Variants in CUL4A observed in about 807,000 individuals in gnomAD.
The protein encoded by CUL4A is cullin-4A.
In CUL4A, 16 loss-of-function variants were observed where a neutral mutation model predicts 95.5. The ratio of observed to expected loss-of-function variants is 0.17; its 90% CI spans 0.11 to 0.25. The LOEUF (loss-of-function observed/expected upper bound fraction) is 0.25, where lower values mean the gene tolerates loss of function less well. Among genes scored for constraint, CUL4A ranks in the 10% least tolerant of loss-of-function variants. The pLI is 1.00. For synonymous variants in CUL4A, 380 were observed against 353.1 expected (o/e 1.08, Z -0.85); for missense variants, 610 against 937.0 (o/e 0.65, Z 4.56).
At chr13:113,244,610 G>A in intron 12 of CUL4A, 96 bp downstream of exon 12, 1 of 828,824 alleles carries the variant, frequency 1.2e-6, no homozygotes, top group East Asian at 2.7e-5. Context: ...GTCAGTATCA[G>A]TAGAGCCAGT....
At chr13:113,224,061 A>C (rs1005205787) in intron 3 of CUL4A, among the ~76,000 whole-genome samples, 5 of 152,190 alleles carry the variant, frequency 3.3e-5, no homozygotes, top group Non-Finnish European at 7.3e-5. Flanking sequence ...CTCTTCAAAA[A>C]TGTCAAGCCC....
chr13:113,248,962 G>A (rs1468360818), intron 15 of CUL4A, among the ~76,000 whole-genome samples: 2 of 152,116 alleles, frequency 1.3e-5, no homozygotes, highest in Non-Finnish European at 2.9e-5. Flanking sequence ...GGAACCCATG[G>A]ACACAGAAGG....
intron 15 of CUL4A, among the ~76,000 whole-genome samples, chr13:113,247,564 A>C (rs2041888509): frequency 6.6e-6 from 1 of 152,156 alleles, no homozygotes; most frequent in Admixed American, 6.5e-5. Flanking sequence ...GAGGGGTTTG[A>C]GTTTTCTCTG....
chr13:113,228,217 G>A (rs1165809410), intron 4 of CUL4A, among the ~76,000 whole-genome samples, 172 bp downstream of exon 4: 1 of 152,196 alleles, frequency 6.6e-6, no homozygotes, highest in African/African-American at 2.4e-5. Flanking sequence ...TCCTGTGAGA[G>A]GGCACCACTG....
In CUL4A at chr13:113,266,436, G is replaced by A. The variant is rs921436628; in HGVS notation, c.*2854G>A. On this transcript the variant is annotated 3_prime_UTR_variant, in exon 20 of 20. Coordinates refer to ENST00000375440, the MANE Select transcript of CUL4A (RefSeq NM_001008895.4). Reference sequence around the variant, plus strand: ...TAAGGAACACAGGCCCTGAATAAGTGAAAGTTCTGTTGATTCTCACATTTT... The same window carrying A: ...TAAGGAACACAGGCCCTGAATAAGTAAAAGTTCTGTTGATTCTCACATTTT... 4 of 152,250 alleles carry A rather than the reference G, an allele frequency of 2.6e-5. No individual in the cohort carries two copies. The highest frequency in any genetic ancestry group is 9.6e-5 in the African/African-American group (4 of 41,474). 9.4% of individuals were successfully genotyped at this position (152,250 alleles called of 1,614,324 possible).
At chr13:113,246,947 T>C (rs941810941) in intron 15 of CUL4A, among the ~76,000 whole-genome samples, 6 of 152,114 alleles carry the variant, frequency 3.9e-5, no homozygotes, top group African/African-American at 1.4e-4. Context: ...TGGGGCTGGG[T>C]AATTTGTAAA....
chr13:113,216,257 C>T (rs2040689171), intron 2 of CUL4A, among the ~76,000 whole-genome samples: 1 of 152,206 alleles, frequency 6.6e-6, no homozygotes, highest in South Asian at 2.1e-4. Context: ...TTCTGTCTTC[C>T]ACATCTGAGA....
upstream of CUL4A, chr13:113,208,721 C>G: frequency 6.6e-7 from 1 of 1,507,620 alleles, no homozygotes; most frequent in Non-Finnish European, 8.9e-7. Flanking sequence ...CGTCTGGGTC[C>G]TGGCGCCCCC....
intron 10 of CUL4A, 84 bp from the exon 11 acceptor site, chr13:113,242,884 C>A: frequency 9.5e-7 from 1 of 1,057,874 alleles, no homozygotes; most frequent in Non-Finnish European, 1.4e-6. Flanking sequence ...TTATGTTAAA[C>A]TATCCTGATT....
At chr13:113,213,622 C>T (rs1277061080) in intron 2 of CUL4A, among the ~76,000 whole-genome samples, 1 of 152,114 alleles carries the variant, frequency 6.6e-6, no homozygotes, top group African/African-American at 2.4e-5. Context: ...CTTAAAAAGG[C>T]GGAATTACTT....
chr13:113,235,115 G>A lies in CUL4A; in HGVS notation c.818G>A (p.Arg273Lys), dbSNP rs778427575. 6.2e-7 allele frequency: 1 copy of A among 1,613,644 alleles called. No homozygotes were observed. The highest frequency in any genetic ancestry group is 1.1e-5 in the South Asian group (1 of 91,070). The change falls in exon 8 of 20, where the codon AGA becomes AAA. Residue 273 changes from arginine (R) to lysine (K), a missense_variant. This residue lies in a region of CUL4A where 153 missense variants were observed against 244.5 expected (regional missense o/e 0.63). Transcript: ENST00000375440. Reference protein sequence around the residue: ...VSKRLEEEGDRVITYLDHSTQ... With the variant: ...VSKRLEEEGDKVITYLDHSTQ... ...AAACGCTTAGAGGAAGAGGGAGACA[G>A]AGTAATCACTTACTTGGACCACAGC... is the stretch of plus-strand genomic sequence containing the variant.
At chr13:113,260,536 T>TGA in intron 18 of CUL4A, 71 bp from the exon 19 acceptor site, 1 of 1,402,790 alleles carries the variant, frequency 7.1e-7, no homozygotes, top group African/African-American at 1.5e-5. Flanking sequence ...GGCAACTGAG[T>TGA]GAGACTCCAT....
intron 15 of CUL4A, among the ~76,000 whole-genome samples, chr13:113,246,549 G>A (rs1296466139): frequency 4.6e-5 from 7 of 152,266 alleles, no homozygotes; most frequent in South Asian, 2.1e-4. Flanking sequence ...AATACCAGGC[G>A]AAGGGAAAGG....
chr13:113,243,663 C>T (rs1231273674), intron 11 of CUL4A, among the ~76,000 whole-genome samples: 1 of 151,612 alleles, frequency 6.6e-6, no homozygotes, highest in Non-Finnish European at 1.5e-5. Flanking sequence ...CTGTTGATTA[C>T]TGCTGAAGAT....
intron 18 of CUL4A, 46 bp from the exon 19 acceptor site, chr13:113,260,561 A>G: frequency 6.5e-7 from 1 of 1,548,104 alleles, no homozygotes. Flanking sequence ...AAAAATAAAA[A>G]GAAAATACAG....
intron 12 of CUL4A, 46 bp downstream of exon 12, chr13:113,244,560 AAC>A: frequency 7.3e-7 from 1 of 1,372,828 alleles, no homozygotes; most frequent in Non-Finnish European, 1.0e-6. Context: ...AAGAGGTGTA[AAC>A]AGGCCCTGCT....
chr13:113,246,160 A>C, intron 15 of CUL4A, 97 bp downstream of exon 15: 1 of 860,612 alleles, frequency 1.2e-6, no homozygotes, highest in South Asian at 1.6e-5. Flanking sequence ...GGAGTTTTTA[A>C]AAATAGCCCA....
intron 5 of CUL4A, among the ~76,000 whole-genome samples, chr13:113,232,344 GCCACCACCGCTATTACTACTGCCACCA>G (rs1382313400): frequency 6.6e-6 from 1 of 151,198 alleles, no homozygotes; most frequent in Admixed American, 6.6e-5. Context: ...TACTGTCACC[GCCACCACCGCTATTACTACTGCCACCA>G]CCACCTGTCC....
At position 113,236,905 on chromosome 13, in the gene CUL4A, T is replaced by G. The variant is rs764623741; in HGVS notation, c.916+15T>G. ...TCTGCAGAAAGGTAGATTTCCTAACTCTTGTGCAAATTAAACTGAACAATT... is the reference window on the plus strand; with the variant it reads ...TCTGCAGAAAGGTAGATTTCCTAACGCTTGTGCAAATTAAACTGAACAATT... On this transcript the variant is annotated intron_variant, in intron 9 of 19. Transcript: ENST00000375440. 1.9e-6 allele frequency: 3 copies of G among 1,583,712 alleles called. No individual in the cohort carries two copies. The highest frequency in any genetic ancestry group is 3.4e-5 in the Admixed American group (2 of 58,834).
Sources: allele counts gnomAD v4.1 joint callset (sites outside exome capture counted in the v4.1 genomes callset), GRCh38; gene constraint gnomAD v4.1.1; regional missense constraint gnomAD v4.1.1; transcripts MANE v1.5; gene names NCBI Gene and HGNC (gene_info 2026-07-23, HGNC 2026-07-21).